NKAIN2: variants seen among roughly 807,000 people sequenced by gnomAD.
NKAIN2 encodes sodium/potassium-transporting ATPase subunit beta-1-interacting protein 2.
A neutral mutation model predicts 32.6 loss-of-function variants in NKAIN2; 14 were observed. The observed-to-expected ratio is 0.43, with a 90% confidence interval of 0.28 to 0.67. The LOEUF is 0.67. Among genes scored for constraint, NKAIN2 ranks in the 30% least tolerant of loss-of-function variants. The pLI, the probability that NKAIN2 is intolerant of heterozygous loss-of-function variation, is 0.17. For synonymous variants in NKAIN2, 80 were observed against 87.2 expected, an observed-to-expected ratio of 0.92 and a Z score of 0.46; for missense variants, 198 against 258.3, an observed-to-expected ratio of 0.77 and a Z score of 1.60.
At chr6:124,464,319 C>T (rs756820961) in intron 3 of NKAIN2, among the ~76,000 whole-genome samples, 11 of 151,884 alleles carry the variant, frequency 7.2e-5, no homozygotes, top group South Asian at 2.1e-4. Flanking sequence ...GAGTCCTTAA[C>T]GAAGTAAGAT....
chr6:123,848,496 A>G (rs1243030248), intron 1 of NKAIN2, among the ~76,000 whole-genome samples: 1 of 152,086 alleles, frequency 6.6e-6, no homozygotes, highest in East Asian at 1.9e-4. Flanking sequence ...TTTATAAGGG[A>G]CTTTTCACCC....
In NKAIN2 at chr6:124,187,326, C is replaced by G. The variant is rs114035926; in HGVS notation, c.55-95679C>G. Among the ~76,000 whole-genome samples the G allele has an allele frequency of 6.5e-3, 992 of 152,164 alleles. 14 individuals carry two copies. Among genetic ancestry groups the G allele is most frequent in the African/African-American group, 0.023 (940 of 41,518 alleles). On this transcript the variant is annotated intron_variant, in intron 1 of 6. Transcript: ENST00000368417. ...CAGAAAAACCAACATGATTTGAAAA[C>G]ATGTTCTTTTTATTCTGACTCTCAA...
chr6:124,571,262 T>C (rs1182435923), intron 3 of NKAIN2, among the ~76,000 whole-genome samples: 1 of 152,180 alleles, frequency 6.6e-6, no homozygotes, highest in African/African-American at 2.4e-5. Flanking sequence ...GGGTTAGTGC[T>C]GAAATAAGTT....
chr6:124,423,379 C>T (rs1272958789), intron 3 of NKAIN2, among the ~76,000 whole-genome samples: 1 of 152,058 alleles, frequency 6.6e-6, no homozygotes, highest in Non-Finnish European at 1.5e-5. Flanking sequence ...TACATCTTAC[C>T]TTTGTGAGAT....
intron 3 of NKAIN2, among the ~76,000 whole-genome samples, chr6:124,568,822 C>CA (rs3053601): frequency 0.19 from 14,909 of 79,996 alleles, 1,295 homozygotes; most frequent in African/African-American, 0.3. Context: ...AGCACTGTGG[C>CA]AAAAAAAAAA....
At chr6:124,534,051 A>C (rs1779625113) in intron 3 of NKAIN2, among the ~76,000 whole-genome samples, 1 of 152,214 alleles carries the variant, frequency 6.6e-6, no homozygotes, top group Non-Finnish European at 1.5e-5. Flanking sequence ...TTTGGAAGGG[A>C]CACAAATATT....
At chr6:124,382,264 TGAGAG>T (rs1562143841) in intron 3 of NKAIN2, among the ~76,000 whole-genome samples, 2 of 149,206 alleles carry the variant, frequency 1.3e-5, no homozygotes, top group East Asian at 3.9e-4. Context: ...ACATCCTTTC[TGAGAG>T]GAGAAAAAAG....
chr6:124,155,925 G>T (rs1259565223), intron 1 of NKAIN2, among the ~76,000 whole-genome samples: 1 of 150,480 alleles, frequency 6.6e-6, no homozygotes, highest in Non-Finnish European at 1.5e-5. Flanking sequence ...GTAACAACGG[G>T]AAGCCCAGAG....
At chr6:123,812,050 GC>G (rs1773498988) in intron 1 of NKAIN2, among the ~76,000 whole-genome samples, 1 of 148,938 alleles carries the variant, frequency 6.7e-6, no homozygotes, top group South Asian at 2.1e-4. Context: ...GCCCCCCACC[GC>G]CCCCACCCTC....
chr6:123,943,500 A>G (rs750742110), intron 1 of NKAIN2, among the ~76,000 whole-genome samples: 5 of 151,994 alleles, frequency 3.3e-5, no homozygotes, highest in Non-Finnish European at 5.9e-5. Context: ...GTGCTTTGGC[A>G]TAGGCAATCT....
At chr6:124,601,709 G>A (rs979407552) in intron 3 of NKAIN2, among the ~76,000 whole-genome samples, 2 of 152,012 alleles carry the variant, frequency 1.3e-5, no homozygotes, top group African/African-American at 4.8e-5. Flanking sequence ...TATCCAGGCT[G>A]TAGAAAATGC....
chr6:124,155,913 T>C (rs997866561), intron 1 of NKAIN2, among the ~76,000 whole-genome samples: 8 of 148,478 alleles, frequency 5.4e-5, no homozygotes, highest in Non-Finnish European at 1.0e-4. Flanking sequence ...AATAGGGCTA[T>C]AGTAACAACG....
At chr6:124,196,831 C>T (rs562504733) in intron 1 of NKAIN2, among the ~76,000 whole-genome samples, 1 of 151,880 alleles carries the variant, frequency 6.6e-6, no homozygotes, top group South Asian at 2.1e-4. Context: ...TTCGTGCTTG[C>T]TTTATTAATA....
chr6:124,245,902 G>A (rs938892540), intron 1 of NKAIN2, among the ~76,000 whole-genome samples: 1 of 152,004 alleles, frequency 6.6e-6, no homozygotes, highest in East Asian at 1.9e-4. Context: ...GCTTAAAGTG[G>A]AACCAAGACA....
intron 4 of NKAIN2, among the ~76,000 whole-genome samples, chr6:124,667,826 C>T (rs1026600966): frequency 4.6e-5 from 7 of 152,002 alleles, no homozygotes; most frequent in African/African-American, 9.7e-5. Flanking sequence ...AAAATATGGG[C>T]AGACACACTT....
At chr6:124,303,363 GT>G (rs1222636100) in intron 2 of NKAIN2, among the ~76,000 whole-genome samples, 1 of 152,170 alleles carries the variant, frequency 6.6e-6, no homozygotes, top group African/African-American at 2.4e-5. Context: ...GTAAAGCATA[GT>G]CTTCGGCAGC....
intron 1 of NKAIN2, among the ~76,000 whole-genome samples, chr6:124,270,115 C>T (rs1279125273): frequency 1.3e-5 from 2 of 152,106 alleles, no homozygotes; most frequent in Admixed American, 6.5e-5. Flanking sequence ...ATCTCCTTCT[C>T]CTGATGACAA....
intron 2 of NKAIN2, among the ~76,000 whole-genome samples, chr6:124,330,833 T>C (rs1226319394): frequency 6.6e-6 from 1 of 152,128 alleles, no homozygotes; most frequent in East Asian, 1.9e-4. Context: ...TCCTGTCAGA[T>C]CAGCAGTAGC....
intron 3 of NKAIN2, among the ~76,000 whole-genome samples, chr6:124,632,533 T>G (rs1459963885): frequency 1.3e-5 from 2 of 152,162 alleles, no homozygotes; most frequent in Non-Finnish European, 2.9e-5. Flanking sequence ...ACTTCTTGAG[T>G]GAATACCCCC....
Sources: allele counts gnomAD v4.1 joint callset (sites outside exome capture counted in the v4.1 genomes callset), GRCh38; gene constraint gnomAD v4.1.1; transcripts MANE v1.5; gene names NCBI Gene and HGNC (gene_info 2026-07-23, HGNC 2026-07-21).